Variants in PSEN1 observed in about 807,000 individuals in gnomAD.
The protein encoded by PSEN1 is presenilin 1, also known as presenilin-1.
In PSEN1, 15 loss-of-function variants were observed where a neutral mutation model predicts 53.5. That is an observed-to-expected ratio of 0.28 (90% CI 0.19 to 0.43). PSEN1 has a LOEUF of 0.43. Among genes scored for constraint, PSEN1 ranks in the 20% least tolerant of loss-of-function variants. The probability of loss-of-function intolerance (pLI) is 1.00; values close to 1 mark genes in which losing one functional copy is unlikely to be tolerated. For missense variants in PSEN1, 387 were observed against 571.2 expected (o/e 0.68, Z 3.29); for synonymous variants, 208 against 209.8 (o/e 0.99, Z 0.08).
chr14:73,185,412 T>C (rs1271868517), intron 5 of PSEN1, among the ~76,000 whole-genome samples: 1 of 152,202 alleles, frequency 6.6e-6, no homozygotes, highest in Admixed American at 6.5e-5. Context: ...GAGACCGGCC[T>C]GGCCAACACA....
At chr14:73,163,999 A>G (rs1245176085) in intron 3 of PSEN1, among the ~76,000 whole-genome samples, 1 of 152,190 alleles carries the variant, frequency 6.6e-6, no homozygotes, top group Non-Finnish European at 1.5e-5. Flanking sequence ...AGAAAGACCA[A>G]TTGGAAGCCT....
intron 5 of PSEN1, among the ~76,000 whole-genome samples, chr14:73,176,395 T>C (rs1220174670): frequency 1.3e-5 from 2 of 152,260 alleles, no homozygotes; most frequent in Non-Finnish European, 2.9e-5. Flanking sequence ...ACTTTTGTTC[T>C]TCTGTTTATT....
In PSEN1 at chr14:73,220,897, T is replaced by G. The variant is rs1012705216; in HGVS notation, c.*1608T>G. On this transcript the variant is annotated 3_prime_UTR_variant, in exon 12 of 12. Transcript: ENST00000324501. ...TAACCTTCTTTACCACAGAGAGCCC[T>G]TAGCTATGCTGATCAGACCGTAAGC... 6.6e-6 allele frequency: 1 copy of G among 152,204 alleles called. No individual in the cohort carries two copies. The highest frequency in any genetic ancestry group is 1.5e-5 in the Non-Finnish European group (1 of 68,038). 9.4% of individuals were successfully genotyped at this position (152,204 alleles called of 1,614,324 possible). A position where few individuals can be genotyped will look rare whatever the true frequency, so the allele number is the denominator to read the frequency against.
At chr14:73,216,390 TATTA>T (rs1899914724) in intron 10 of PSEN1, among the ~76,000 whole-genome samples, 1 of 152,206 alleles carries the variant, frequency 6.6e-6, no homozygotes, top group East Asian at 1.9e-4. Context: ...TGTACAGCTC[TATTA>T]ATTTTCCACA....
chr14:73,216,543 G>A (rs1034833172), intron 10 of PSEN1, among the ~76,000 whole-genome samples: 2 of 152,124 alleles, frequency 1.3e-5, no homozygotes, highest in African/African-American at 4.8e-5. Flanking sequence ...GGTGGATCAT[G>A]AGGTCAGGAG....
rs192535794 is a variant in PSEN1 at position 73,201,375 on chromosome 14, C to T, written c.868+3246C>T. ...TGCTGGGATTACAGGCGTGAGCCACCGCGCCTGGCCGAGAATATCATTTTT... is the reference window on the plus strand; with the variant it reads ...TGCTGGGATTACAGGCGTGAGCCACTGCGCCTGGCCGAGAATATCATTTTT... On this transcript the variant is annotated intron_variant, in intron 8 of 11. Transcript: ENST00000324501. Among the ~76,000 whole-genome samples the T allele has an allele frequency of 2.2e-3, 338 of 152,138 alleles. 3 individuals carry two copies. Among genetic ancestry groups the T allele is most frequent in the Admixed American group, 7.5e-3 (115 of 15,298 alleles).
At chr14:73,140,279 C>G (rs1186980425) in intron 1 of PSEN1, among the ~76,000 whole-genome samples, 1 of 134,414 alleles carries the variant, frequency 7.4e-6, no homozygotes, top group Admixed American at 8.3e-5. Context: ...GGCACAATCT[C>G]AGCTCACTGC....
At chr14:73,200,315 G>C (rs1899126701) in intron 8 of PSEN1, among the ~76,000 whole-genome samples, 1 of 152,042 alleles carries the variant, frequency 6.6e-6, no homozygotes, top group African/African-American at 2.4e-5. Context: ...TGTCACCCAA[G>C]CTGGAGTACA....
chr14:73,205,888 T>C (rs562608051), intron 8 of PSEN1, among the ~76,000 whole-genome samples: 1 of 152,378 alleles, frequency 6.6e-6, no homozygotes, highest in South Asian at 2.1e-4. Context: ...ATCCCTATTA[T>C]GTTTATTGCT....
chr14:73,179,204 G>A (rs759884745), intron 5 of PSEN1, among the ~76,000 whole-genome samples: 37 of 152,124 alleles, frequency 2.4e-4, no homozygotes, highest in South Asian at 2.1e-4. Context: ...CCACTCTCTC[G>A]GGACTGACAT....
intron 3 of PSEN1, among the ~76,000 whole-genome samples, chr14:73,165,227 A>G (rs1897674286): frequency 6.6e-6 from 1 of 151,964 alleles, no homozygotes; most frequent in African/African-American, 2.4e-5. Context: ...GAGTGCTGGG[A>G]TTACAGGCAT....
At chr14:73,213,339 G>C (rs1416928209) in intron 10 of PSEN1, among the ~76,000 whole-genome samples, 2 of 151,894 alleles carry the variant, frequency 1.3e-5, no homozygotes, top group African/African-American at 4.8e-5. Context: ...TTTCATGACT[G>C]CCTTTTCTAA....
At chr14:73,153,713 C>A (rs1897284465) in intron 3 of PSEN1, among the ~76,000 whole-genome samples, 2 of 135,382 alleles carry the variant, frequency 1.5e-5, no homozygotes, top group South Asian at 5.0e-4. Context: ...CATTTTCTTT[C>A]CTTTTTTTTT....
At chr14:73,178,343 A>G (rs1595009638) in intron 5 of PSEN1, among the ~76,000 whole-genome samples, 2 of 150,058 alleles carry the variant, frequency 1.3e-5, no homozygotes, top group Admixed American at 1.3e-4. Context: ...ATGTGCCACC[A>G]TGCCCAGCTA....
At chr14:73,156,541 G>T (rs1384731967) in intron 3 of PSEN1, among the ~76,000 whole-genome samples, 1 of 152,024 alleles carries the variant, frequency 6.6e-6, no homozygotes, top group Non-Finnish European at 1.5e-5. Context: ...CAAAGTGAGC[G>T]GGGGAGTAGA....
chr14:73,155,517 T>G (rs1270966342), intron 3 of PSEN1, among the ~76,000 whole-genome samples: 2 of 152,148 alleles, frequency 1.3e-5, no homozygotes, highest in Non-Finnish European at 1.5e-5. Context: ...TATTATTTTT[T>G]TTTTGAGACA....
rs201759335 is a variant in PSEN1, at chr14:73,170,805, T to C, written c.96T>C (p.Asn32=). The change falls in exon 4 of 12, where the codon AAT becomes AAC. Residue 32 remains asparagine, a synonymous_variant. Coordinates refer to ENST00000324501, the MANE Select transcript of PSEN1 (RefSeq NM_000021.4). ...LSNTVRSQND[N]RERQEHNDRR... ...TTTTCTTGTGCTTATAGAATGACAA[T>C]AGAGAACGGCAGGAGCACAACGACA... 8.2e-5 allele frequency: 133 copies of C among 1,614,054 alleles called. No individual in the cohort carries two copies. Among genetic ancestry groups the C allele is most frequent in the Non-Finnish European group, 1.0e-4 (122 of 1,180,018 alleles).
intron 3 of PSEN1, among the ~76,000 whole-genome samples, chr14:73,154,205 A>G (rs1339688599): frequency 6.6e-6 from 1 of 152,180 alleles, no homozygotes; most frequent in African/African-American, 2.4e-5. Context: ...ACCTGTGTGT[A>G]TATATTGAAA....
At chr14:73,148,403 T>C (rs1001204951) in intron 3 of PSEN1, among the ~76,000 whole-genome samples, 6 of 152,218 alleles carry the variant, frequency 3.9e-5, no homozygotes, top group African/African-American at 1.2e-4. Flanking sequence ...CTTGCTCTTA[T>C]TCTTCTACGG....
Sources: allele counts gnomAD v4.1 joint callset (sites outside exome capture counted in the v4.1 genomes callset), GRCh38; gene constraint gnomAD v4.1.1; transcripts MANE v1.5; gene names NCBI Gene and HGNC (gene_info 2026-07-23, HGNC 2026-07-21).